The following ZNF777 variants were observed in gnomAD, a reference collection of about 807,000 sequenced individuals.
ZNF777 encodes zinc finger protein 777.
ZNF777 carries 7 observed loss-of-function variants against 72.1 expected under a neutral mutation model. The observed-to-expected ratio is 0.10, with a 90% CI of 0.06 to 0.18. The LOEUF (loss-of-function observed/expected upper bound fraction) is 0.18. Ranked by LOEUF, ZNF777 falls within the 10% of genes least tolerant of loss-of-function variation. The probability of loss-of-function intolerance (pLI) is 1.00; values close to 1 mark genes in which losing one functional copy is unlikely to be tolerated. For missense variants in ZNF777, 828 were observed against 1,128.6 expected (o/e 0.73, Z 3.82); for synonymous variants, 545 against 483.5 (o/e 1.13, Z -1.67).
rs78365157 is a variant in ZNF777, at chr7:149,457,676, G to A, written c.-15-1639C>T. ...ATATTCAAGATCCTATTCACAAAAG[G>A]TTTTTGAGATAGTATCGTCTAATAG... On this transcript the variant is annotated intron_variant, in intron 1 of 5. Transcript: ENST00000247930. Among the ~76,000 whole-genome samples, 15 of 152,254 alleles carry A rather than the reference G, an allele frequency of 9.9e-5. No individual in the cohort carries two copies. In the East Asian group the frequency reaches 2.7e-3, roughly 27 times the overall value.
chr7:149,431,615 C>T lies in ZNF777; in HGVS notation c.*161G>A. 1 of 764,662 alleles carries T rather than the reference C, an allele frequency of 1.3e-6. No homozygotes were observed. The highest frequency in any genetic ancestry group is 1.9e-6 in the Non-Finnish European group (1 of 521,704). 47.4% of individuals were successfully genotyped at this position (764,662 alleles called of 1,614,324 possible). ...CGCGGCAGCAAGGGACCTGGTCTCA[C>T]TGCCCCCATGTCCTTGGGAGGAGGG... is the stretch of plus-strand genomic sequence containing the variant. On this transcript the variant is annotated 3_prime_UTR_variant, in exon 6 of 6. Coordinates refer to ENST00000247930, the MANE Select transcript of ZNF777 (RefSeq NM_015694.3).
chr7:149,440,662 G>GTTT (rs1334016961), intron 4 of ZNF777, among the ~76,000 whole-genome samples: 2 of 124,612 alleles, frequency 1.6e-5, no homozygotes, highest in South Asian at 5.8e-4. Flanking sequence ...CCAGCAGCCT[G>GTTT]TTGTTTTTTT....
chr7:149,435,478 A>T (rs529925882), intron 5 of ZNF777, among the ~76,000 whole-genome samples: 1 of 152,164 alleles, frequency 6.6e-6, no homozygotes, highest in Non-Finnish European at 1.5e-5. Flanking sequence ...GCCTAGATCC[A>T]TATCTTTTGA....
Position 149,454,211 on chromosome 7 carries a change from A to C in ZNF777, c.873T>G (p.Ala291=), listed in dbSNP as rs200964721. 1 of 1,614,062 alleles carries C rather than the reference A, an allele frequency of 6.2e-7. No individual in the cohort carries two copies. Among genetic ancestry groups the C allele is most frequent in the East Asian group, 2.2e-5 (1 of 44,896 alleles). The part of the protein sequence containing the change: ...PKVPVTFDDV[A]VHFSEQEWGN... ...CCCACTCCTGCTCCGAGAAGTGCAC[A>C]GCAACATCATCAAATGTGACAGGGA... The change falls in exon 3 of 6, where the codon GCT becomes GCG. Residue 291 remains alanine, a synonymous_variant. Transcript: ENST00000247930.
At position 149,432,454 on chromosome 7, in the gene ZNF777, T is replaced by C. The variant is rs1475062008; in HGVS notation, c.1818A>G (p.Glu606=). Residue 606 remains glutamate (E), a synonymous_variant, in exon 6 of 6, where the codon GAA becomes GAG. Transcript: ENST00000247930. ...HRVRGGCVSP[E]RGPTFNPKHA... is the part of the protein sequence containing the mutation. ...GCTTGGGGTTGAACGTGGGCCCGCG[T>C]TCGGGTGAGACGCAGCCTCCGCGCA... is the stretch of plus-strand genomic sequence containing the variant. 4 of 1,613,520 alleles carry C rather than the reference T, an allele frequency of 2.5e-6. No homozygotes were observed. The Admixed American group carries it at 5.0e-5, about 20-fold the overall frequency.
In ZNF777 at chr7:149,431,661, C is replaced by A; in HGVS notation, c.*115G>T. 9.9e-7 allele frequency: 1 copy of A among 1,011,436 alleles called. No homozygotes were observed. The highest frequency in any genetic ancestry group is 1.6e-5 in the South Asian group (1 of 63,852). 62.7% of individuals were successfully genotyped at this position (1,011,436 alleles called of 1,614,324 possible). On this transcript the variant is annotated 3_prime_UTR_variant, in exon 6 of 6. Coordinates refer to ENST00000247930, the MANE Select transcript of ZNF777 (RefSeq NM_015694.3). ...GAGGGACGAGAGGAGAGGGGGAGCTCACGGCAAAGGGGCTGGGGGGCGCCC... is the reference window on the plus strand; with the variant it reads ...GAGGGACGAGAGGAGAGGGGGAGCTAACGGCAAAGGGGCTGGGGGGCGCCC...
Position 149,455,740 on chromosome 7 carries a change from C to G in ZNF777, c.283G>C (p.Gly95Arg), listed in dbSNP as rs778139672. ...AASEQETSLQ[G>R]PLASQEGTQY... Reference sequence around the variant, plus strand: ...GTCCCTTCCTGGGAAGCCAGGGGGCCCTGGAGAGAAGTCTCTTGCTCAGAA... The same window carrying G: ...GTCCCTTCCTGGGAAGCCAGGGGGCGCTGGAGAGAAGTCTCTTGCTCAGAA... Residue 95 changes from glycine (G) to arginine (R), a missense_variant, in exon 2 of 6, where the codon GGC becomes CGC. Coordinates refer to ENST00000247930, the MANE Select transcript of ZNF777 (RefSeq NM_015694.3). This position sits in a 1 kb window ranked among gnomAD's most constrained non-coding sequence, Gnocchi z 4.2. 1 of 1,587,676 alleles carries G rather than the reference C, an allele frequency of 6.3e-7. No individual in the cohort carries two copies. Among genetic ancestry groups the G allele is most frequent in the African/African-American group, 1.4e-5 (1 of 73,928 alleles).
Position 149,432,810 on chromosome 7 carries a change from G to C in ZNF777, c.1462C>G (p.Gln488Glu), listed in dbSNP as rs1483438602. ...GACATCTCCCCGGGCAGCGGGGTCT[G>C]GTACATACTGGCCTCATATCTCCCG... ...LSGRYEASMY[Q>E]TPLPGEMSPE... The change falls in exon 6 of 6, where the codon CAG becomes GAG. Residue 488 changes from glutamine (Q) to glutamate (E), a missense_variant. Gln to Glu is a conservative substitution (Grantham distance 29). Around this residue, in one of 12 missense-constraint regions of ZNF777, gnomAD observed 219 missense variants for 223.0 expected, o/e 0.98. Transcript: ENST00000247930. 1 of 1,605,824 alleles carries C rather than the reference G, an allele frequency of 6.2e-7. No homozygotes were observed. Among genetic ancestry groups the C allele is most frequent in the Non-Finnish European group, 8.5e-7 (1 of 1,174,382 alleles).
chr7:149,454,011 G>A, intron 3 of ZNF777, 100 bp downstream of exon 3: 1 of 1,522,084 alleles, frequency 6.6e-7, no homozygotes, highest in Non-Finnish European at 8.9e-7. Context: ...CTCCTTGCTT[G>A]CAACTATTGG....
intron 1 of ZNF777, chr7:149,459,740 G>A (rs1799907867): frequency 1.0e-6 from 1 of 985,104 alleles, no homozygotes; most frequent in African/African-American, 1.7e-5. Context: ...TGGGAGAGCC[G>A]CGTCAGCGCC....
At chr7:149,453,560 C>G (rs990381997) in intron 3 of ZNF777, among the ~76,000 whole-genome samples, 2 of 152,134 alleles carry the variant, frequency 1.3e-5, no homozygotes, top group African/African-American at 4.8e-5. Flanking sequence ...CGGGGTAAGG[C>G]AGATCTCCAT....
chr7:149,453,830 TATG>T (rs1391842815), intron 3 of ZNF777, among the ~76,000 whole-genome samples: 25 of 152,176 alleles, frequency 1.6e-4, no homozygotes, highest in Admixed American at 4.6e-4. Flanking sequence ...TGGGGAAAAA[TATG>T]ATGACGGAGA....
chr7:149,447,490 C>T (rs971490269), intron 4 of ZNF777, among the ~76,000 whole-genome samples: 2 of 152,184 alleles, frequency 1.3e-5, no homozygotes, highest in Non-Finnish European at 2.9e-5. Flanking sequence ...AGCCAGAGGC[C>T]TGGGGGCCAC....
rs539725583 is a variant in ZNF777 at position 149,445,766 on chromosome 7, C to G, written c.1087+5233G>C. 3.7e-3 allele frequency among the ~76,000 whole-genome samples: 556 copies of G among 152,262 alleles called. 4 individuals are homozygous for G. The highest frequency in any genetic ancestry group is 0.012 in the African/African-American group (519 of 41,534). On this transcript the variant is annotated intron_variant, in intron 4 of 5. Coordinates refer to ENST00000247930, the MANE Select transcript of ZNF777 (RefSeq NM_015694.3). Reference sequence around the variant, plus strand: ...AGAATAAGCCTGTCACATATCAGGGCTAGGGAAAGGCAGATGCCTGCAGTA... The same window carrying G: ...AGAATAAGCCTGTCACATATCAGGGGTAGGGAAAGGCAGATGCCTGCAGTA...
At chr7:149,446,069 GT>G (rs1226038414) in intron 4 of ZNF777, among the ~76,000 whole-genome samples, 1 of 152,184 alleles carries the variant, frequency 6.6e-6, no homozygotes. Flanking sequence ...CTTTTTAAAA[GT>G]TTCTTCACTC....
intron 4 of ZNF777, among the ~76,000 whole-genome samples, chr7:149,448,485 C>CTATATATATATATATATATATATATATA (rs61005836): frequency 9.6e-6 from 1 of 104,640 alleles, no homozygotes; most frequent in African/African-American, 5.2e-5. Flanking sequence ...CAAAACAAAA[C>CTATATATATATATATATATATATATATA]TATATATATA....
At position 149,432,895 on chromosome 7, in the gene ZNF777, C is replaced by T. The variant is rs763257837; in HGVS notation, c.1377G>A (p.Glu459=). 2.0e-6 allele frequency: 3 copies of T among 1,526,142 alleles called. No homozygotes were observed. Among genetic ancestry groups the T allele is most frequent in the Non-Finnish European group, 2.6e-6 (3 of 1,138,198 alleles). 94.5% of individuals were successfully genotyped at this position (1,526,142 alleles called of 1,614,324 possible). A position where few individuals can be genotyped will look rare whatever the true frequency, so the allele number is the denominator to read the frequency against. Residue 459 remains glutamate (E), a synonymous_variant, in exon 6 of 6, where the codon GAG becomes GAA. Coordinates refer to ENST00000247930, the MANE Select transcript of ZNF777 (RefSeq NM_015694.3). Reference sequence around the variant, plus strand: ...GCTCATCCTCCTCCTCCTCTTCTTCCTCCTCGTCTTGTTCCTCTGTCTTGA... The same window carrying T: ...GCTCATCCTCCTCCTCCTCTTCTTCTTCCTCGTCTTGTTCCTCTGTCTTGA... The part of the protein sequence containing the change: ...IVIKTEEQDE[E]EEEEEEDELP...
At chr7:149,442,463 C>CA (rs200784118) in intron 4 of ZNF777, among the ~76,000 whole-genome samples, 5,539 of 150,988 alleles carry the variant, frequency 0.037, 251 homozygotes, top group African/African-American at 0.098. Context: ...ACTAAAAATA[C>CA]AAAAAAATTA....
At chr7:149,442,577 G>A (rs1038143559) in intron 4 of ZNF777, among the ~76,000 whole-genome samples, 5 of 150,298 alleles carry the variant, frequency 3.3e-5, no homozygotes, top group East Asian at 2.0e-4. Flanking sequence ...CTGAGATAGC[G>A]CCACTGCACT....
Sources: gnomAD v4.1 joint callset for allele counts (sites outside exome capture counted in the v4.1 genomes callset) on GRCh38, gnomAD v4.1.1 for gene constraint, gnomAD v4.1.1 regional missense constraint, Gnocchi (gnomAD v3.1) non-coding constraint, MANE v1.5 for transcripts, NCBI Gene and HGNC (gene_info 2026-07-23, HGNC 2026-07-21) for gene names.